The following LOXHD1 variants were observed in gnomAD, a reference collection of about 807,000 sequenced individuals.
LOXHD1 encodes the protein lipoxygenase homology domain-containing protein 1.
A neutral mutation model predicts 248.2 loss-of-function variants in LOXHD1; 205 were observed. The observed-to-expected ratio is 0.83, with a 90% CI of 0.74 to 0.93. The LOEUF (loss-of-function observed/expected upper bound fraction) is 0.93, where lower values mean the gene tolerates loss of function less well. Among genes scored for constraint, LOXHD1 ranks in the 40% least tolerant of loss-of-function variants. LOXHD1 has a pLI of 0.00. For missense variants in LOXHD1, 2,930 were observed against 2,971.6 expected, an observed-to-expected ratio of 0.99 and a Z score of 0.33; for synonymous variants, 1,113 against 1,162.8, an observed-to-expected ratio of 0.96 and a Z score of 0.87.
chr18:46,591,673 A>G (rs1340925449), intron 12 of LOXHD1, among the ~76,000 whole-genome samples: 1 of 152,180 alleles, frequency 6.6e-6, no homozygotes, highest in Non-Finnish European at 1.5e-5. Context: ...GATGCTTCTC[A>G]TCCCCTCAGA....
intron 4 of LOXHD1, among the ~76,000 whole-genome samples, chr18:46,638,469 G>A (rs544309194): frequency 2.0e-5 from 3 of 151,946 alleles, no homozygotes; most frequent in African/African-American, 4.8e-5. Context: ...TCGTCTCTAC[G>A]GTAAATACAA....
chr18:46,496,834 C>T (rs1470641908), intron 37 of LOXHD1, among the ~76,000 whole-genome samples: 2 of 152,118 alleles, frequency 1.3e-5, no homozygotes, highest in Non-Finnish European at 2.9e-5. Flanking sequence ...GAAACCCCGC[C>T]TCTACTACAA....
intron 2 of LOXHD1, among the ~76,000 whole-genome samples, chr18:46,646,177 G>A (rs9964729): frequency 0.081 from 12,368 of 152,198 alleles, 563 homozygotes; most frequent in African/African-American, 0.12. Context: ...GGAGGGGATG[G>A]GAGGGCAGCA....
chr18:46,593,725 G>T lies in LOXHD1; in HGVS notation c.1306C>A (p.Leu436Ile), dbSNP rs2038214103. 1 of 1,552,054 alleles carries T rather than the reference G, an allele frequency of 6.4e-7. No individual in the cohort carries two copies. The highest frequency in any genetic ancestry group is 8.7e-7 in the Non-Finnish European group (1 of 1,147,086). The part of the protein sequence containing the change: ...PWSLWVWTTD[L>I]KKAGTNSPIF... Reference sequence around the variant, plus strand: ...GGAGAGTTGGTACCAGCTTTCTTTAGGTCGGTTGTCCAGACCCACAGGGAC... The same window carrying T: ...GGAGAGTTGGTACCAGCTTTCTTTATGTCGGTTGTCCAGACCCACAGGGAC... Residue 436 changes from leucine to isoleucine, a missense_variant, in exon 10 of 41, where the codon CTA becomes ATA. By Grantham distance (5) the Leu-to-Ile change is conservative. Transcript: ENST00000642948.
chr18:46,617,432 T>C (rs1486181405), intron 5 of LOXHD1, among the ~76,000 whole-genome samples: 1 of 152,240 alleles, frequency 6.6e-6, no homozygotes, highest in East Asian at 1.9e-4. Context: ...CCCTAGATTG[T>C]TGAGCATGAA....
chr18:46,600,242 G>A (rs907035647), intron 8 of LOXHD1, among the ~76,000 whole-genome samples: 1 of 152,228 alleles, frequency 6.6e-6, no homozygotes, highest in African/African-American at 2.4e-5. Flanking sequence ...CAGCAGGGAA[G>A]TGGATGAACT....
intron 7 of LOXHD1, among the ~76,000 whole-genome samples, chr18:46,603,496 C>T (rs1252307123): frequency 6.6e-6 from 1 of 152,082 alleles, no homozygotes; most frequent in Non-Finnish European, 1.5e-5. Flanking sequence ...CAGATGTACA[C>T]AATATCAACG....
In LOXHD1 at chr18:46,509,808, G is replaced by A. The variant is rs377421822; in HGVS notation, c.5407C>T (p.Arg1803Trp). The change falls in exon 35 of 41, where the codon CGG becomes TGG. Residue 1803 changes from arginine (R) to tryptophan (W), a missense_variant. Transcript: ENST00000642948. The part of the protein sequence containing the change: ...QLDKKKARFE[R>W]EQNDTFIMEI... ...ATGATGAAGGTGTCGTTCTGCTCCC[G>A]CTCAAACCTGGGGGTGGAGAGGAGG... The A allele has an allele frequency of 1.3e-4, 199 of 1,527,632 alleles. 1 individual carries two copies. Among genetic ancestry groups the A allele is most frequent in the Middle Eastern group, 3.8e-4 (2 of 5,242 alleles). The allele number at this position is 1,527,632 out of a possible 1,614,324, so 94.6% of individuals were successfully genotyped here. A position where few individuals can be genotyped will look rare whatever the true frequency, so the allele number is the denominator to read the frequency against.
intron 34 of LOXHD1, among the ~76,000 whole-genome samples, chr18:46,511,264 T>A (rs1041615019): frequency 6.6e-6 from 1 of 152,192 alleles, no homozygotes; most frequent in Non-Finnish European, 1.5e-5. Flanking sequence ...TCCTTCAGTC[T>A]TCCCAACTCA....
At chr18:46,587,872 G>A (rs1436058478) in intron 12 of LOXHD1, among the ~76,000 whole-genome samples, 1 of 152,104 alleles carries the variant, frequency 6.6e-6, no homozygotes, top group South Asian at 2.1e-4. Context: ...ATATCTCCCA[G>A]TCTGTGTTAA....
Position 46,541,915 on chromosome 18 carries a change from G to A in LOXHD1, c.3774C>T (p.Asp1258=), listed in dbSNP as rs760779405. The A allele has an allele frequency of 3.2e-6, 5 of 1,551,496 alleles. No individual in the cohort carries two copies. The African/African-American group carries it at 5.5e-5, about 17-fold the overall frequency. ...NTGKAPGWFV[D]WVEVDAPSLG... ...GAGATGGGGCATCCACCTCTACCCAGTCTACAAACCAGCCTGGGGCCTTGC... is the reference window on the plus strand; with the variant it reads ...GAGATGGGGCATCCACCTCTACCCAATCTACAAACCAGCCTGGGGCCTTGC... Residue 1258 remains aspartate (D), a synonymous_variant, in exon 25 of 41, where the codon GAC becomes GAT. Coordinates refer to ENST00000642948, the MANE Select transcript of LOXHD1 (RefSeq NM_001384474.1).
At chr18:46,583,145 C>A (rs1170146929) in intron 12 of LOXHD1, among the ~76,000 whole-genome samples, 2 of 152,060 alleles carry the variant, frequency 1.3e-5, no homozygotes, top group Non-Finnish European at 2.9e-5. Flanking sequence ...AAAAAGATTA[C>A]CCATAAAACT....
At chr18:46,595,003 C>A (rs1043511425) in intron 8 of LOXHD1, among the ~76,000 whole-genome samples, 4 of 152,222 alleles carry the variant, frequency 2.6e-5, no homozygotes, top group African/African-American at 9.6e-5. Flanking sequence ...TCTCCTGGCA[C>A]ACTACAGAAT....
rs1599023861 is a variant in LOXHD1, at chr18:46,579,853, C to T, written c.1655-69G>A. On this transcript the variant is annotated intron_variant, in intron 12 of 40. Transcript: ENST00000642948. ...TTCCCATCCCTAGCCCTGCTGCTCC[C>T]ACTTCTAAGCTCTGATTCCTCCTCT... 1.3e-5 allele frequency: 20 copies of T among 1,491,214 alleles called. No homozygotes were observed. The East Asian group carries it at 4.9e-4, about 37-fold the overall frequency. The allele number at this position is 1,491,214 out of a possible 1,614,324, so 92.4% of individuals were successfully genotyped here.
chr18:46,553,060 A>G (rs1488447389), intron 21 of LOXHD1, among the ~76,000 whole-genome samples: 5 of 152,188 alleles, frequency 3.3e-5, no homozygotes, highest in Non-Finnish European at 7.3e-5. Flanking sequence ...GTCAACCCTG[A>G]GACAACCACC....
chr18:46,557,821 A>G, intron 20 of LOXHD1: 1 of 1,291,094 alleles, frequency 7.7e-7, no homozygotes, highest in Non-Finnish European at 1.0e-6. Context: ...TGTGTGCAAG[A>G]GAGGGGGGTG....
intron 31 of LOXHD1, 96 bp downstream of exon 31, chr18:46,524,370 G>C (rs570969227): frequency 6.9e-7 from 1 of 1,451,382 alleles, no homozygotes; most frequent in Non-Finnish European, 9.3e-7. Context: ...ATATGTCATC[G>C]GTGATGGTGG....
At chr18:46,545,734 A>C in intron 22 of LOXHD1, among the ~76,000 whole-genome samples, 1 of 136,444 alleles carries the variant, frequency 7.3e-6, no homozygotes, top group African/African-American at 2.8e-5. Flanking sequence ...GGTTCACGCC[A>C]TTCTCCTGCC....
intron 25 of LOXHD1, among the ~76,000 whole-genome samples, chr18:46,538,814 C>A (rs566782692): frequency 6.6e-6 from 1 of 152,322 alleles, no homozygotes; most frequent in South Asian, 2.1e-4. Context: ...ATCGGCCAGT[C>A]TACGGTAGTG....
Sources: allele counts gnomAD v4.1 joint callset (sites outside exome capture counted in the v4.1 genomes callset), GRCh38; gene constraint gnomAD v4.1.1; transcripts MANE v1.5; gene names NCBI Gene and HGNC (gene_info 2026-07-23, HGNC 2026-07-21).